C8orf34: variants seen among roughly 807,000 people sequenced by gnomAD.
The protein encoded by C8orf34 is uncharacterized protein C8orf34.
In C8orf34, 65 loss-of-function variants were observed where a neutral mutation model predicts 68.3. The ratio of observed to expected loss-of-function variants is 0.95; its 90% confidence interval spans 0.78 to 1.17. The LOEUF is 1.17. Among genes scored for constraint, C8orf34 ranks in the 50% most tolerant of loss-of-function variants. The pLI, the probability that C8orf34 is intolerant of heterozygous loss-of-function variation, is 0.00. For synonymous variants in C8orf34, 244 were observed against 241.2 expected, an observed-to-expected ratio of 1.01 and a Z score of -0.11; for missense variants, 664 against 655.4, an observed-to-expected ratio of 1.01 and a Z score of -0.14.
chr8:68,482,331 T>A (rs752035867), intron 4 of C8orf34, among the ~76,000 whole-genome samples: 2 of 152,230 alleles, frequency 1.3e-5, no homozygotes, highest in Non-Finnish European at 2.9e-5. Flanking sequence ...ATCAGCCATG[T>A]GAAAACAAAC....
Position 68,521,922 on chromosome 8 carries a change from A to G in C8orf34, c.889A>G (p.Lys297Glu). The change falls in exon 6 of 14, where the codon AAA becomes GAA. Residue 297 changes from lysine to glutamate, a missense_variant. By Grantham distance (56) the Lys-to-Glu change is moderately conservative. Transcript: ENST00000518698. ...EMLQPPIPRS[K>E]NDQWESEDSG... is the part of the protein sequence containing the mutation. ...GCTACAGCCTCCAATTCCAAGAAGC[A>G]AAAATGACCAATGGGAAAGTGAAGA... 2 of 1,614,124 alleles carry G rather than the reference A, an allele frequency of 1.2e-6. No homozygotes were observed. Among genetic ancestry groups the G allele is most frequent in the Non-Finnish European group, 1.7e-6 (2 of 1,179,990 alleles).
rs1030124278 is a variant in C8orf34, at chr8:68,444,794, A to G, written c.476-1535A>G. ...GGATTTTTTCTTGCTAGAAGCAGAG[A>G]ATAAAGAAAGTCACAACATTCATTT... On this transcript the variant is annotated intron_variant, in intron 2 of 13. Coordinates refer to ENST00000518698, the MANE Select transcript of C8orf34 (RefSeq NM_052958.4). 9.2e-5 allele frequency among the ~76,000 whole-genome samples: 14 copies of G among 152,208 alleles called. No individual in the cohort carries two copies. In the South Asian group the frequency reaches 1.0e-3, roughly 11 times the overall value.
At chr8:68,556,454 T>C (rs994588748) in intron 7 of C8orf34, among the ~76,000 whole-genome samples, 2 of 152,152 alleles carry the variant, frequency 1.3e-5, no homozygotes, top group African/African-American at 2.4e-5. Context: ...CCCTGATTAG[T>C]ATCTTGATAA....
intron 7 of C8orf34, among the ~76,000 whole-genome samples, chr8:68,630,541 A>G (rs1818660434): frequency 6.6e-6 from 1 of 152,138 alleles, no homozygotes; most frequent in Non-Finnish European, 1.5e-5. Context: ...AGTTGAATAT[A>G]TAATTTTATA....
intron 10 of C8orf34, among the ~76,000 whole-genome samples, chr8:68,746,315 A>T (rs1273586746): frequency 8.6e-5 from 2 of 23,354 alleles, no homozygotes; most frequent in African/African-American, 3.5e-4. Flanking sequence ...CTAACATCAC[A>T]ATTAAAAGAA....
chr8:68,414,252 T>C (rs532526998), intron 1 of C8orf34, among the ~76,000 whole-genome samples: 3 of 152,358 alleles, frequency 2.0e-5, no homozygotes, highest in East Asian at 1.9e-4. Flanking sequence ...GATTTGATTA[T>C]ATATTTATTG....
chr8:68,488,551 A>G (rs1813174132), intron 5 of C8orf34, among the ~76,000 whole-genome samples: 1 of 152,152 alleles, frequency 6.6e-6, no homozygotes, highest in Admixed American at 6.6e-5. Flanking sequence ...ATATATTTCT[A>G]TAGTTGTGTC....
chr8:68,353,416 T>G (rs7823116), intron 1 of C8orf34, among the ~76,000 whole-genome samples: 61,656 of 151,398 alleles, frequency 0.41, 12,740 homozygotes, highest in Non-Finnish European at 0.44. Flanking sequence ...GTTTTATGAG[T>G]GATGCATAGA....
chr8:68,384,682 A>G (rs1322876516), intron 1 of C8orf34, among the ~76,000 whole-genome samples: 1 of 152,214 alleles, frequency 6.6e-6, no homozygotes, highest in East Asian at 1.9e-4. Context: ...TTGTTTAAAT[A>G]CATAAAATGC....
rs533580007 is a variant in C8orf34, at chr8:68,495,311, T to A, written c.765+7260T>A. Among the ~76,000 whole-genome samples the A allele has an allele frequency of 4.9e-4, 74 of 151,876 alleles. 1 individual carries two copies. Among genetic ancestry groups the A allele is most frequent in the African/African-American group, 1.7e-3 (70 of 41,488 alleles). ...TATATAATAACAATGTACTATTTAG[T>A]GCATACTAAATTCTAGACCTTGGAC... On this transcript the variant is annotated intron_variant, in intron 5 of 13. Transcript: ENST00000518698.
At chr8:68,732,719 A>G (rs1822011914) in intron 10 of C8orf34, among the ~76,000 whole-genome samples, 1 of 152,172 alleles carries the variant, frequency 6.6e-6, no homozygotes, top group Non-Finnish European at 1.5e-5. Context: ...GAATTCTTCA[A>G]TCAATTTTGA....
chr8:68,449,422 A>G (rs1811252319), intron 3 of C8orf34, among the ~76,000 whole-genome samples: 1 of 152,088 alleles, frequency 6.6e-6, no homozygotes. Context: ...GTACCCAGTA[A>G]GTAGTGACTC....
chr8:68,657,083 T>C (rs1232488061), intron 8 of C8orf34, among the ~76,000 whole-genome samples: 1 of 152,186 alleles, frequency 6.6e-6, no homozygotes, highest in Non-Finnish European at 1.5e-5. Flanking sequence ...TTCCTATGAA[T>C]GTCCCTCATA....
chr8:68,764,129 T>A (rs1823101651), intron 10 of C8orf34, among the ~76,000 whole-genome samples: 1 of 152,184 alleles, frequency 6.6e-6, no homozygotes, highest in South Asian at 2.1e-4. Flanking sequence ...GGTACAGATA[T>A]CCACATAATG....
At chr8:68,595,120 TAA>T (rs369079634) in intron 7 of C8orf34, among the ~76,000 whole-genome samples, 2 of 133,454 alleles carry the variant, frequency 1.5e-5, no homozygotes, top group Non-Finnish European at 3.2e-5. Flanking sequence ...TTAAAAATGG[TAA>T]AAAAAAAAAA....
At chr8:68,646,778 T>C (rs1014502253) in intron 8 of C8orf34, among the ~76,000 whole-genome samples, 1 of 152,222 alleles carries the variant, frequency 6.6e-6, no homozygotes, top group Non-Finnish European at 1.5e-5. Flanking sequence ...GGTTCATTGT[T>C]GCAAATGACA....
Position 68,766,295 on chromosome 8 carries a change from G to T in C8orf34, c.1405-10104G>T, listed in dbSNP as rs567338875. On this transcript the variant is annotated intron_variant, in intron 10 of 13. Transcript: ENST00000518698. Reference sequence around the variant, plus strand: ...GTCACCTTAGCCGTTTAGTCATTTTGCAAAGACACAGGTTGATTTAATTTT... The same window carrying T: ...GTCACCTTAGCCGTTTAGTCATTTTTCAAAGACACAGGTTGATTTAATTTT... 4.6e-5 allele frequency among the ~76,000 whole-genome samples: 7 copies of T among 152,246 alleles called. No homozygotes were observed. In the South Asian group the frequency reaches 1.4e-3, roughly 32 times the overall value.
chr8:68,378,119 C>G (rs568254448), intron 1 of C8orf34, among the ~76,000 whole-genome samples: 2 of 152,200 alleles, frequency 1.3e-5, no homozygotes, highest in South Asian at 4.1e-4. Context: ...CCGTATCAGG[C>G]AGAGACCTGA....
intron 10 of C8orf34, among the ~76,000 whole-genome samples, chr8:68,745,436 T>C (rs922691435): frequency 9.9e-5 from 15 of 152,102 alleles, no homozygotes; most frequent in Admixed American, 3.3e-4. Flanking sequence ...AGACACACAC[T>C]GGCAAATTGG....
Sources: gnomAD v4.1 joint callset for allele counts (sites outside exome capture counted in the v4.1 genomes callset) on GRCh38, gnomAD v4.1.1 for gene constraint, MANE v1.5 for transcripts, NCBI Gene and HGNC (gene_info 2026-07-23, HGNC 2026-07-21) for gene names.